CDC14A: variants seen among roughly 807,000 people sequenced by gnomAD.
CDC14A encodes the protein dual specificity protein phosphatase CDC14A.
CDC14A carries 53 observed loss-of-function variants against 74.4 expected under a neutral mutation model. The ratio of observed to expected loss-of-function variants is 0.71; its 90% CI spans 0.57 to 0.89. The LOEUF is 0.89. Among genes scored for constraint, CDC14A ranks in the 40% least tolerant of loss-of-function variants. The pLI, the probability that CDC14A is intolerant of heterozygous loss-of-function variation, is 0.00. For synonymous variants in CDC14A, 247 were observed against 258.4 expected, an observed-to-expected ratio of 0.96 and a Z score of 0.43; for missense variants, 646 against 713.7, an observed-to-expected ratio of 0.91 and a Z score of 1.08.
Position 100,508,596 on chromosome 1 carries a change from C to T in CDC14A, c.1755+9334C>T, listed in dbSNP as rs1649441059. On this transcript the variant is annotated intron_variant, in intron 15 of 15. Transcript: ENST00000336454. The surrounding 1 kb of genome is among the most constrained non-coding windows in gnomAD (Gnocchi z 4.4). Reference sequence around the variant, plus strand: ...CAGTCTAGAAACAGACCTTAATGACCCAGGCTTCCATCTCTTGGTGAGCTC... The same window carrying T: ...CAGTCTAGAAACAGACCTTAATGACTCAGGCTTCCATCTCTTGGTGAGCTC... 6.6e-6 allele frequency among the ~76,000 whole-genome samples: 1 copy of T among 152,130 alleles called. No homozygotes were observed. Among genetic ancestry groups the T allele is most frequent in the Non-Finnish European group, 1.5e-5 (1 of 68,018 alleles).
intron 11 of CDC14A, among the ~76,000 whole-genome samples, chr1:100,489,783 C>T (rs904929093): frequency 6.6e-6 from 1 of 152,124 alleles, no homozygotes; most frequent in Non-Finnish European, 1.5e-5. Context: ...AGGGTCTTCC[C>T]TGGACTAGGT....
rs561182569 is a variant in CDC14A at position 100,508,542 on chromosome 1, G to A, written c.1755+9280G>A. 6.6e-6 allele frequency among the ~76,000 whole-genome samples: 1 copy of A among 152,138 alleles called. No individual in the cohort carries two copies. Among genetic ancestry groups the A allele is most frequent in the East Asian group, 1.9e-4 (1 of 5,174 alleles). The stretch of plus-strand genomic sequence containing the variant: ...TCCCTCCTCGTCTGCTGGCCTTCTT[G>A]TTGGCTCTGCCCGATCATCTAGGCC... On this transcript the variant is annotated intron_variant, in intron 15 of 15. Coordinates refer to ENST00000336454, the MANE Select transcript of CDC14A (RefSeq NM_003672.4). This position sits in a 1 kb window ranked among gnomAD's most constrained non-coding sequence, Gnocchi z 4.4.
chr1:100,405,730 T>C (rs1352487087), intron 4 of CDC14A, among the ~76,000 whole-genome samples: 2 of 152,234 alleles, frequency 1.3e-5, no homozygotes, highest in African/African-American at 4.8e-5. Context: ...TATAGCTGCA[T>C]AGTATTCCAT....
At chr1:100,447,320 C>T (rs1262963959) in intron 7 of CDC14A, among the ~76,000 whole-genome samples, 1 of 152,202 alleles carries the variant, frequency 6.6e-6, no homozygotes, top group African/African-American at 2.4e-5. Flanking sequence ...TGTTGGCTTC[C>T]GTCTTGGAAA....
chr1:100,484,550 G>C, intron 11 of CDC14A, 99 bp downstream of exon 11: 1 of 1,358,954 alleles, frequency 7.4e-7, no homozygotes, highest in Admixed American at 2.9e-5. Context: ...TTCTCTGGAT[G>C]CCACGAGTAC....
In CDC14A at chr1:100,499,178, G is replaced by T; in HGVS notation, c.1671G>T (p.Lys557Asn). ...GCCCCCCAGGCCCCCACAGCGCCAA[G>T]ACAGAGGAGCACACCACCATCCTCC... ...LNSPPGPHSA[K>N]TEEHTTILRP... The change falls in exon 15 of 16, where the codon AAG (lysine) becomes AAT (asparagine). Residue 557 changes from lysine (K) to asparagine (N), a missense_variant. Transcript: ENST00000336454. 1.2e-6 allele frequency: 2 copies of T among 1,614,136 alleles called. No homozygotes were observed. The highest frequency in any genetic ancestry group is 1.6e-4 in the Middle Eastern group (1 of 6,062).
chr1:100,453,928 C>T (rs574047941), intron 7 of CDC14A, among the ~76,000 whole-genome samples: 3 of 152,334 alleles, frequency 2.0e-5, no homozygotes, highest in Non-Finnish European at 2.9e-5. Flanking sequence ...AGGCGCGAGC[C>T]GCCACGCCCA....
At chr1:100,500,539 C>T (rs1291635443) in intron 15 of CDC14A, among the ~76,000 whole-genome samples, 3 of 151,986 alleles carry the variant, frequency 2.0e-5, no homozygotes, top group African/African-American at 7.3e-5. Flanking sequence ...TGGTGGATCA[C>T]CTGAGGTCAG....
intron 2 of CDC14A, among the ~76,000 whole-genome samples, chr1:100,371,541 T>C (rs1196557228): frequency 1.3e-5 from 2 of 152,194 alleles, no homozygotes; most frequent in African/African-American, 2.4e-5. Context: ...TTTTTTTGTG[T>C]CTTTGAGATG....
intron 15 of CDC14A, among the ~76,000 whole-genome samples, chr1:100,517,484 A>T (rs1319511899): frequency 6.6e-6 from 1 of 151,930 alleles, no homozygotes; most frequent in Non-Finnish European, 1.5e-5. Context: ...GTTTCCTGCT[A>T]AAAAAAATAA....
Position 100,353,790 on chromosome 1 carries a change from T to C in CDC14A, c.78T>C (p.Asn26=). The part of the protein sequence containing the change: ...KDRLYFATLR[N]RPKSTVNTHY... The stretch of plus-strand genomic sequence containing the variant: ...GGTTATATTTTGCTACTTTAAGGAA[T>C]AGACCAAAAAGCACAGTAAATACCC... The change falls in exon 2 of 16, where the codon AAT becomes AAC. Residue 26 remains asparagine (N), a synonymous_variant. Coordinates refer to ENST00000336454, the MANE Select transcript of CDC14A (RefSeq NM_003672.4). The C allele has an allele frequency of 6.2e-7, 1 of 1,606,252 alleles. No individual in the cohort carries two copies. The highest frequency in any genetic ancestry group is 8.5e-7 in the Non-Finnish European group (1 of 1,174,036).
At chr1:100,352,170 C>T (rs1248332596), upstream of CDC14A, among the ~76,000 whole-genome samples, 1 of 152,292 alleles carries the variant, frequency 6.6e-6, no homozygotes, top group East Asian at 1.9e-4. Context: ...CGCGACAGCG[C>T]CTTTGGCGAT....
chr1:100,445,735 A>G (rs1157444457), intron 7 of CDC14A, among the ~76,000 whole-genome samples: 1 of 152,214 alleles, frequency 6.6e-6, no homozygotes, highest in Non-Finnish European at 1.5e-5. Flanking sequence ...ACAAACAAAA[A>G]TCTGACAAGA....
Position 100,352,859 on chromosome 1 carries a change from T to G in CDC14A, c.-96T>G. On this transcript the variant is annotated 5_prime_UTR_variant, in exon 1 of 16. Transcript: ENST00000336454. ...CGGCCAGGCTTGTTGTTCGGGACTG[T>G]GAGCTTCCTGGCTCCTGGGCAGTGG... The G allele has an allele frequency of 1.3e-6, 2 of 1,596,912 alleles. No individual in the cohort carries two copies. The highest frequency in any genetic ancestry group is 1.7e-6 in the Non-Finnish European group (2 of 1,172,980).
chr1:100,415,265 T>A (rs780389901), intron 4 of CDC14A, among the ~76,000 whole-genome samples: 1 of 152,180 alleles, frequency 6.6e-6, no homozygotes, highest in Non-Finnish European at 1.5e-5. Context: ...AAACGAATTG[T>A]CAAATAAATA....
At chr1:100,506,455 C>G (rs576023819) in intron 15 of CDC14A, among the ~76,000 whole-genome samples, 1 of 152,102 alleles carries the variant, frequency 6.6e-6, no homozygotes, top group African/African-American at 2.4e-5. Flanking sequence ...TGCTACTTGA[C>G]AAAGCATCAA....
intron 15 of CDC14A, among the ~76,000 whole-genome samples, chr1:100,502,629 T>C (rs115278839): frequency 2.6e-4 from 39 of 152,378 alleles, no homozygotes; most frequent in African/African-American, 9.1e-4. Flanking sequence ...AGGTATTGTG[T>C]AATCCACATT....
rs1571186083 is a variant in CDC14A, at chr1:100,435,729, T to C, written c.390-4203T>C. Among the ~76,000 whole-genome samples, 11 of 141,790 alleles carry C rather than the reference T, an allele frequency of 7.8e-5. No homozygotes were observed. The South Asian group carries it at 2.4e-3, about 31-fold the overall frequency. 93.0% of individuals were successfully genotyped at this position (141,790 alleles called of 152,430 possible). A position where few individuals can be genotyped will look rare whatever the true frequency, so the allele number is the denominator to read the frequency against. ...CTGTAATCCCAGCTACCCGGGAGGG[T>C]GAGGCAATCGCTTGAACCCGGGAGG... is the stretch of plus-strand genomic sequence containing the variant. On this transcript the variant is annotated intron_variant, in intron 5 of 15. Coordinates refer to ENST00000336454, the MANE Select transcript of CDC14A (RefSeq NM_003672.4).
At chr1:100,355,376 T>C (rs1651741697) in intron 2 of CDC14A, among the ~76,000 whole-genome samples, 1 of 152,204 alleles carries the variant, frequency 6.6e-6, no homozygotes, top group South Asian at 2.1e-4. Flanking sequence ...GTCACTTCTC[T>C]TGGGATTGCT....
Sources: allele counts gnomAD v4.1 joint callset (sites outside exome capture counted in the v4.1 genomes callset), GRCh38; gene constraint gnomAD v4.1.1; non-coding constraint Gnocchi (gnomAD v3.1); transcripts MANE v1.5; gene names NCBI Gene and HGNC (gene_info 2026-07-23, HGNC 2026-07-21).